RPS6KC1: variants seen among roughly 807,000 people sequenced by gnomAD.
RPS6KC1 encodes the protein ribosomal protein S6 kinase C1, also known as inactive ribosomal protein S6 kinase delta-1.
Under a neutral mutation model 103.8 loss-of-function variants are expected in RPS6KC1, and 54 were observed. That is an observed-to-expected ratio of 0.52 (90% CI 0.42 to 0.65). RPS6KC1 has a LOEUF of 0.65. Ranked by LOEUF, RPS6KC1 falls within the 30% of genes least tolerant of loss-of-function variation. RPS6KC1 has a pLI of 0.00. For missense variants in RPS6KC1, 1,151 were observed against 1,253.8 expected, an observed-to-expected ratio of 0.92 and a Z score of 1.24; for synonymous variants, 439 against 438.7, an observed-to-expected ratio of 1.00 and a Z score of -0.01.
the RPS6KC1 span, among the ~76,000 whole-genome samples, chr1:213,299,185 T>G: frequency 6.6e-6 from 1 of 152,234 alleles, no homozygotes; most frequent in South Asian, 2.1e-4. Context: ...AGCTGCATTC[T>G]TTGTATGACC....
chr1:213,308,166 G>A, the RPS6KC1 span, among the ~76,000 whole-genome samples: 2 of 151,880 alleles, frequency 1.3e-5, no homozygotes, highest in African/African-American at 4.8e-5. Context: ...ACAAAAAAAT[G>A]AGCTGGATGT....
the RPS6KC1 span, among the ~76,000 whole-genome samples, chr1:213,429,638 A>G: frequency 6.6e-6 from 1 of 152,190 alleles, no homozygotes; most frequent in Non-Finnish European, 1.5e-5. Context: ...ATAGTATGAA[A>G]CAGGCCCCCA....
the RPS6KC1 span, among the ~76,000 whole-genome samples, chr1:213,764,241 G>A: frequency 5.3e-3 from 803 of 152,316 alleles, 9 homozygotes; most frequent in African/African-American, 0.019. Flanking sequence ...AACTTTGGCG[G>A]ATCAGGGGAA....
chr1:213,759,474 C>G, the RPS6KC1 span, among the ~76,000 whole-genome samples: 1 of 152,170 alleles, frequency 6.6e-6, no homozygotes, highest in African/African-American at 2.4e-5. Flanking sequence ...TACTCATTAT[C>G]TCATTCACTA....
the RPS6KC1 span, among the ~76,000 whole-genome samples, chr1:213,330,852 G>A: frequency 1.3e-5 from 2 of 152,120 alleles, no homozygotes; most frequent in African/African-American, 4.8e-5. Flanking sequence ...TTTTCTCCTA[G>A]AAGGAGAACT....
At chr1:213,623,638 T>G in the RPS6KC1 span, among the ~76,000 whole-genome samples, 1 of 152,220 alleles carries the variant, frequency 6.6e-6, no homozygotes, top group African/African-American at 2.4e-5. Context: ...GTTGGAAGAA[T>G]TACAGAATGC....
intron 2 of RPS6KC1, 47 bp downstream of exon 2, chr1:213,071,088 A>G (rs2078827063): frequency 8.5e-7 from 1 of 1,175,704 alleles, no homozygotes; most frequent in Admixed American, 2.4e-5. Flanking sequence ...ATAAAAATTT[A>G]ACTAAATGCT....
At chr1:213,617,875 G>A in the RPS6KC1 span, among the ~76,000 whole-genome samples, 5 of 152,330 alleles carry the variant, frequency 3.3e-5, no homozygotes, top group East Asian at 1.9e-4. Flanking sequence ...TGTCTCCATC[G>A]AGGAGATTTA....
chr1:213,066,461 CT>C (rs1470176576), intron 1 of RPS6KC1, among the ~76,000 whole-genome samples: 1 of 152,176 alleles, frequency 6.6e-6, no homozygotes, highest in East Asian at 1.9e-4. Context: ...TTTTGTAAGC[CT>C]AAAATTAAAG....
the RPS6KC1 span, among the ~76,000 whole-genome samples, chr1:213,680,010 A>C: frequency 6.6e-6 from 1 of 152,282 alleles, no homozygotes; most frequent in South Asian, 2.1e-4. Context: ...ATTTTTTTTA[A>C]GTGTTCTCGA....
the RPS6KC1 span, among the ~76,000 whole-genome samples, chr1:213,463,942 G>T: frequency 3.8e-3 from 585 of 152,244 alleles, 1 homozygote; most frequent in Non-Finnish European, 7.0e-3. Flanking sequence ...TTATAAATGC[G>T]TGTTGATTTG....
chr1:213,696,001 C>A, the RPS6KC1 span, among the ~76,000 whole-genome samples: 2 of 152,274 alleles, frequency 1.3e-5, no homozygotes, highest in East Asian at 3.9e-4. Context: ...GTTGGTATCT[C>A]ATGTCATCAT....
the RPS6KC1 span, among the ~76,000 whole-genome samples, chr1:213,798,789 G>A: frequency 6.6e-6 from 1 of 152,178 alleles, no homozygotes; most frequent in African/African-American, 2.4e-5. Context: ...TCACGTGGGG[G>A]CAATGTTTTA....
the RPS6KC1 span, among the ~76,000 whole-genome samples, chr1:213,698,938 T>G: frequency 6.6e-6 from 1 of 152,072 alleles, no homozygotes; most frequent in Non-Finnish European, 1.5e-5. Context: ...ACATAGTAGG[T>G]GTATATATTT....
chr1:213,573,385 A>T, the RPS6KC1 span, among the ~76,000 whole-genome samples: 1 of 152,194 alleles, frequency 6.6e-6, no homozygotes, highest in Non-Finnish European at 1.5e-5. Flanking sequence ...CCATTCCAAG[A>T]TTGTATGGAA....
At chr1:213,828,400 T>A in the RPS6KC1 span, among the ~76,000 whole-genome samples, 1 of 152,106 alleles carries the variant, frequency 6.6e-6, no homozygotes, top group Non-Finnish European at 1.5e-5. Flanking sequence ...TTTTTTTAAA[T>A]CTCTGGAAAT....
At chr1:213,332,524 G>A in the RPS6KC1 span, among the ~76,000 whole-genome samples, 1 of 152,230 alleles carries the variant, frequency 6.6e-6, no homozygotes, top group Admixed American at 6.5e-5. Flanking sequence ...ACGGCCAGCA[G>A]TGCCCAGGAA....
chr1:213,312,696 G>A, the RPS6KC1 span, among the ~76,000 whole-genome samples: 35 of 152,296 alleles, frequency 2.3e-4, no homozygotes, highest in Non-Finnish European at 8.8e-5. Context: ...TGCCATCTCC[G>A]GCAGCTTCCC....
chr1:213,088,479 C>T (rs1308273488), intron 3 of RPS6KC1, among the ~76,000 whole-genome samples: 2 of 151,990 alleles, frequency 1.3e-5, no homozygotes, highest in Non-Finnish European at 2.9e-5. Flanking sequence ...TCTCCGGCTT[C>T]AGCCTCTTGA....
Sources: allele counts gnomAD v4.1 joint callset (sites outside exome capture counted in the v4.1 genomes callset), GRCh38; gene constraint gnomAD v4.1.1; transcripts MANE v1.5; gene names NCBI Gene and HGNC (gene_info 2026-07-23, HGNC 2026-07-21).